OSTN: variants seen among roughly 807,000 people sequenced by gnomAD.
OSTN encodes the protein osteocrin.
Under a neutral mutation model 12.0 loss-of-function variants are expected in OSTN, and 9 were observed. That is an observed-to-expected ratio of 0.75 (90% confidence interval 0.45 to 1.30). The LOEUF (loss-of-function observed/expected upper bound fraction) is 1.30, where lower values mean the gene tolerates loss of function less well. Ranked by LOEUF, OSTN falls within the 50% of genes most tolerant of loss-of-function variation. The pLI is 0.00. For missense variants in OSTN, 148 were observed against 152.3 expected (o/e 0.97, Z 0.15); for synonymous variants, 59 against 56.9 (o/e 1.04, Z -0.16).
At chr3:191,207,540 C>G (rs545394462) in intron 1 of OSTN, among the ~76,000 whole-genome samples, 1 of 152,178 alleles carries the variant, frequency 6.6e-6, no homozygotes, top group Non-Finnish European at 1.5e-5. Context: ...GAAGTTTGCT[C>G]TTTCTTTTGT....
At chr3:191,237,318 T>A (rs533922721) in intron 3 of OSTN, among the ~76,000 whole-genome samples, 1 of 152,346 alleles carries the variant, frequency 6.6e-6, no homozygotes, top group South Asian at 2.1e-4. Flanking sequence ...AATTACTGTA[T>A]CCATGATATA....
chr3:191,250,997 G>A (rs1288187451), intron 4 of OSTN, among the ~76,000 whole-genome samples: 1 of 152,092 alleles, frequency 6.6e-6, no homozygotes, highest in African/African-American at 2.4e-5. Flanking sequence ...ATATTTGCTA[G>A]CTATGGGAAC....
At chr3:191,250,346 C>T (rs1715531657) in intron 4 of OSTN, among the ~76,000 whole-genome samples, 1 of 152,092 alleles carries the variant, frequency 6.6e-6, no homozygotes, top group South Asian at 2.1e-4. Context: ...CCTAGTTCTG[C>T]TTCACTCTCC....
rs1715889372 is a variant in OSTN, at chr3:191,264,941, T to C, written c.*2088T>C. The C allele has an allele frequency of 6.8e-6, 1 of 147,180 alleles. No homozygotes were observed. The highest frequency in any genetic ancestry group is 2.2e-4 in the South Asian group (1 of 4,550). The allele number at this position is 147,180 out of a possible 1,614,324, so 9.1% of individuals were successfully genotyped here. ...GAAGTCACAATATAGTGATTTATGC[T>C]ATAGTTTCATGTGTAATGTATTTTC... On this transcript the variant is annotated 3_prime_UTR_variant, in exon 5 of 5. Coordinates refer to ENST00000682035, the MANE Select transcript of OSTN (RefSeq NM_198184.2).
chr3:191,240,660 C>T (rs182367750), intron 3 of OSTN, among the ~76,000 whole-genome samples: 142 of 152,308 alleles, frequency 9.3e-4, no homozygotes, highest in African/African-American at 3.4e-3. Flanking sequence ...AAATGTTGGC[C>T]AGGGCTTCAG....
At chr3:191,205,226 A>ATTAGACAGTTTTGAATATT (rs1414904347) in intron 1 of OSTN, among the ~76,000 whole-genome samples, 3 of 152,150 alleles carry the variant, frequency 2.0e-5, no homozygotes, top group Non-Finnish European at 4.4e-5. Flanking sequence ...AATCAGTTTC[A>ATTAGACAGTTTTGAATATT]TTAGACAGTT....
intron 1 of OSTN, among the ~76,000 whole-genome samples, chr3:191,204,343 C>A (rs752895473): frequency 2.2e-4 from 34 of 152,224 alleles, no homozygotes; most frequent in Admixed American, 3.3e-4. Flanking sequence ...AATGGCTATG[C>A]ACCACGAGTA....
At chr3:191,222,201 C>T (rs1043679031) in intron 3 of OSTN, among the ~76,000 whole-genome samples, 14 of 152,188 alleles carry the variant, frequency 9.2e-5, no homozygotes, top group African/African-American at 3.4e-4. Context: ...TGGGTTGGAG[C>T]TCCCACATAG....
chr3:191,252,384 C>T (rs1414312717), intron 4 of OSTN, among the ~76,000 whole-genome samples: 1 of 152,120 alleles, frequency 6.6e-6, no homozygotes, highest in African/African-American at 2.4e-5. Context: ...TATATGAAGA[C>T]TGAGACCATA....
intron 1 of OSTN, 93 bp from the exon 2 acceptor site, chr3:191,212,440 C>T: frequency 1.6e-6 from 1 of 613,272 alleles, no homozygotes; most frequent in South Asian, 3.8e-5. Flanking sequence ...ATTTGGCTTA[C>T]CATTTGCCTC....
intron 3 of OSTN, among the ~76,000 whole-genome samples, chr3:191,246,780 C>G (rs1228249732): frequency 4.0e-5 from 6 of 150,814 alleles, no homozygotes; most frequent in African/African-American, 1.5e-4. Flanking sequence ...AGGAGAAGAA[C>G]TAGAGGCCAC....
intron 4 of OSTN, among the ~76,000 whole-genome samples, chr3:191,259,869 TTC>T (rs1715765872): frequency 6.7e-6 from 1 of 149,952 alleles, no homozygotes; most frequent in African/African-American, 2.5e-5. Flanking sequence ...TTTTTTTTTT[TTC>T]TTGAGACAGA....
At chr3:191,209,956 T>C (rs961367354) in intron 1 of OSTN, among the ~76,000 whole-genome samples, 2 of 152,192 alleles carry the variant, frequency 1.3e-5, no homozygotes, top group African/African-American at 4.8e-5. Flanking sequence ...TTATGGCAGC[T>C]ACCTGTATTA....
rs146452799 is a variant in OSTN at position 191,227,444 on chromosome 3, G to A, written c.317+8483G>A. Among the ~76,000 whole-genome samples the A allele has an allele frequency of 4.6e-5, 7 of 152,274 alleles. No homozygotes were observed. The East Asian group carries it at 9.6e-4, about 21-fold the overall frequency. On this transcript the variant is annotated intron_variant, in intron 3 of 4. Transcript: ENST00000682035. ...TATGGCAATATCCAGCATAGTGCAT[G>A]TGTACTTACTTTTTGGCCCTGCCTT...
At chr3:191,208,259 G>A (rs1714329436) in intron 1 of OSTN, among the ~76,000 whole-genome samples, 1 of 152,178 alleles carries the variant, frequency 6.6e-6, no homozygotes, top group Admixed American at 6.5e-5. Context: ...TTAAATCATG[G>A]GCTATATTTA....
intron 4 of OSTN, among the ~76,000 whole-genome samples, chr3:191,256,607 G>T (rs1261529504): frequency 6.7e-6 from 1 of 148,662 alleles, no homozygotes; most frequent in Non-Finnish European, 1.5e-5. Flanking sequence ...AACTGAAACT[G>T]TCTCTCCCCC....
At chr3:191,241,736 G>C (rs760672872) in intron 3 of OSTN, among the ~76,000 whole-genome samples, 1 of 152,112 alleles carries the variant, frequency 6.6e-6, no homozygotes, top group African/African-American at 2.4e-5. Context: ...AATTTTCAAC[G>C]AAGTGCTATT....
At chr3:191,260,472 G>A (rs1014185542) in intron 4 of OSTN, among the ~76,000 whole-genome samples, 4 of 151,886 alleles carry the variant, frequency 2.6e-5, no homozygotes, top group Non-Finnish European at 5.9e-5. Flanking sequence ...TCTGAGGGGG[G>A]TGCCAGTCAC....
chr3:191,208,920 G>A (rs896307328), intron 1 of OSTN, among the ~76,000 whole-genome samples: 7 of 152,238 alleles, frequency 4.6e-5, no homozygotes, highest in Non-Finnish European at 1.0e-4. Context: ...CACTTTGGGA[G>A]TCTAAGGCAG....
Sources: allele counts gnomAD v4.1 joint callset (sites outside exome capture counted in the v4.1 genomes callset), GRCh38; gene constraint gnomAD v4.1.1; transcripts MANE v1.5; gene names NCBI Gene and HGNC (gene_info 2026-07-23, HGNC 2026-07-21).